Variants in SCFD1 observed in about 807,000 individuals in gnomAD.
The protein encoded by SCFD1 is sec1 family domain-containing protein 1.
SCFD1 carries 37 observed loss-of-function variants against 103.2 expected under a neutral mutation model. That is an observed-to-expected ratio of 0.36 (90% confidence interval 0.28 to 0.47). SCFD1 has a LOEUF of 0.47. Among genes scored for constraint, SCFD1 ranks in the 20% least tolerant of loss-of-function variants. The probability of loss-of-function intolerance (pLI) is 1.00; values close to 1 mark genes in which losing one functional copy is unlikely to be tolerated. For synonymous variants in SCFD1, 264 were observed against 245.0 expected (o/e 1.08, Z -0.73); for missense variants, 639 against 761.2 (o/e 0.84, Z 1.89).
intron 18 of SCFD1, among the ~76,000 whole-genome samples, chr14:30,706,583 G>T (rs1891484676): frequency 6.6e-6 from 1 of 152,120 alleles, no homozygotes; most frequent in East Asian, 1.9e-4. Flanking sequence ...GCTAGGCCTG[G>T]CTTCAGGATA....
At chr14:30,697,520 G>T (rs922765740) in intron 15 of SCFD1, among the ~76,000 whole-genome samples, 3 of 152,180 alleles carry the variant, frequency 2.0e-5, no homozygotes, top group African/African-American at 7.2e-5. Flanking sequence ...CGGTGCGGTG[G>T]AGAAGCCTGA....
intron 7 of SCFD1, among the ~76,000 whole-genome samples, chr14:30,646,223 A>G (rs1332902147): frequency 6.6e-6 from 1 of 151,584 alleles, no homozygotes; most frequent in African/African-American, 2.4e-5. Context: ...GGGTTTCACC[A>G]TGTTGGTCAG....
chr14:30,682,000 T>C (rs1226103452), intron 14 of SCFD1, among the ~76,000 whole-genome samples: 1 of 152,218 alleles, frequency 6.6e-6, no homozygotes, highest in Non-Finnish European at 1.5e-5. Flanking sequence ...AGAATTTTTA[T>C]TATCTAGAGT....
chr14:30,643,172 G>GAA, intron 6 of SCFD1, 144 bp from the exon 7 acceptor site: 10 of 551,708 alleles, frequency 1.8e-5, no homozygotes, highest in East Asian at 3.4e-5. Flanking sequence ...GATCCTGTCT[G>GAA]AAAAAAAAAA....
chr14:30,640,059 GT>G (rs1885115374), intron 6 of SCFD1, among the ~76,000 whole-genome samples, 195 bp downstream of exon 6: 1 of 152,122 alleles, frequency 6.6e-6, no homozygotes, highest in Admixed American at 6.5e-5. Context: ...TAATAAACCT[GT>G]TTTGTAAATT....
At chr14:30,714,352 C>A (rs1594753117) in intron 19 of SCFD1, among the ~76,000 whole-genome samples, 1 of 133,356 alleles carries the variant, frequency 7.5e-6, no homozygotes, top group African/African-American at 3.1e-5. Context: ...CAGAGCGAGA[C>A]TCCGTCTCAA....
chr14:30,682,901 C>A, intron 14 of SCFD1: 1 of 377,382 alleles, frequency 2.6e-6, no homozygotes, highest in South Asian at 3.9e-5. Context: ...ATCACAAGGG[C>A]TCAACTGAGG....
intron 14 of SCFD1, among the ~76,000 whole-genome samples, chr14:30,679,225 T>G (rs2139244289): frequency 6.9e-6 from 1 of 144,142 alleles, no homozygotes; most frequent in Middle Eastern, 3.5e-3. Flanking sequence ...CTCTCATGAT[T>G]GGATTTTTTT....
intron 1 of SCFD1, among the ~76,000 whole-genome samples, chr14:30,626,651 G>C (rs958696308): frequency 1.3e-5 from 2 of 152,144 alleles, no homozygotes; most frequent in Non-Finnish European, 2.9e-5. Flanking sequence ...TGAGTATACA[G>C]TTCTCCTGTC....
At chr14:30,644,902 C>A (rs116380019) in intron 7 of SCFD1, among the ~76,000 whole-genome samples, 1,937 of 152,240 alleles carry the variant, frequency 0.013, 46 homozygotes, top group African/African-American at 0.045. Flanking sequence ...AGCATGAAAT[C>A]TTTGCCAAGG....
chr14:30,668,075 G>A (rs1433912088), intron 10 of SCFD1, among the ~76,000 whole-genome samples: 1 of 152,154 alleles, frequency 6.6e-6, no homozygotes, highest in Non-Finnish European at 1.5e-5. Context: ...AACCAAAAAA[G>A]AGCCCGCATT....
intron 15 of SCFD1, among the ~76,000 whole-genome samples, chr14:30,698,028 G>T (rs1219254446): frequency 1.3e-5 from 2 of 152,148 alleles, no homozygotes; most frequent in Admixed American, 1.3e-4. Context: ...ATCACATTTT[G>T]CTAATTGTTT....
intron 10 of SCFD1, among the ~76,000 whole-genome samples, chr14:30,659,580 T>C (rs985562817): frequency 1.3e-5 from 2 of 152,170 alleles, no homozygotes; most frequent in Admixed American, 1.3e-4. Flanking sequence ...CGGCAATGTA[T>C]CTGGTGGGTG....
At chr14:30,724,245 GTTTTTT>G (rs58612669) in intron 23 of SCFD1, among the ~76,000 whole-genome samples, 8 of 69,682 alleles carry the variant, frequency 1.1e-4, no homozygotes, top group East Asian at 6.2e-4. Context: ...TTTTTTATGG[GTTTTTT>G]TTTTTTTTTT....
At position 30,728,868 on chromosome 14, in the gene SCFD1, G is replaced by A. The variant is rs1418899826; in HGVS notation, c.1837-5922G>A. 8.2e-4 allele frequency among the ~76,000 whole-genome samples: 113 copies of A among 137,134 alleles called. 1 individual carries two copies. The highest frequency in any genetic ancestry group is 2.2e-3 in the African/African-American group (81 of 36,464). 90.0% of individuals were successfully genotyped at this position (137,134 alleles called of 152,430 possible). A position where few individuals can be genotyped will look rare whatever the true frequency, so the allele number is the denominator to read the frequency against. ...TTTTTTTTTTTTTTCCCCCCGAGAC[G>A]GAGTCTCGTTCTGTCACCCAGGCTG... On this transcript the variant is annotated intron_variant, in intron 23 of 24. Transcript: ENST00000458591.
intron 7 of SCFD1, among the ~76,000 whole-genome samples, chr14:30,647,035 A>G (rs193176355): frequency 7.9e-4 from 120 of 152,080 alleles, no homozygotes; most frequent in Admixed American, 1.5e-3. Context: ...TGGTCTACCT[A>G]TCTTGTTTAT....
chr14:30,717,791 G>A (rs1429387032), intron 20 of SCFD1, among the ~76,000 whole-genome samples: 1 of 151,536 alleles, frequency 6.6e-6, no homozygotes, highest in Non-Finnish European at 1.5e-5. Context: ...GGCTGAGGCA[G>A]GAGAATTGCT....
At chr14:30,636,119 G>A (rs1884696173) in intron 4 of SCFD1, among the ~76,000 whole-genome samples, 1 of 152,002 alleles carries the variant, frequency 6.6e-6, no homozygotes, top group South Asian at 2.1e-4. Context: ...TGAGTTGATA[G>A]AATTCTTTTT....
intron 18 of SCFD1, among the ~76,000 whole-genome samples, chr14:30,706,269 A>G (rs1891462315): frequency 1.3e-5 from 2 of 152,182 alleles, no homozygotes; most frequent in African/African-American, 4.8e-5. Flanking sequence ...TTATAGTATC[A>G]TCCCTATTTA....
Sources: gnomAD v4.1 joint callset for allele counts (sites outside exome capture counted in the v4.1 genomes callset) on GRCh38, gnomAD v4.1.1 for gene constraint, MANE v1.5 for transcripts, NCBI Gene and HGNC (gene_info 2026-07-23, HGNC 2026-07-21) for gene names.